Variants in AGPAT5 observed in about 807,000 individuals in gnomAD.
AGPAT5 encodes the protein 1-acylglycerol-3-phosphate O-acyltransferase 5, also known as 1-acyl-sn-glycerol-3-phosphate acyltransferase epsilon.
AGPAT5 carries 46 observed loss-of-function variants against 45.6 expected under a neutral mutation model. The observed-to-expected ratio is 1.01, with a 90% CI of 0.80 to 1.29. The LOEUF (loss-of-function observed/expected upper bound fraction) is 1.29, where lower values mean the gene tolerates loss of function less well. AGPAT5 is among the 50% of genes most tolerant of loss of function. AGPAT5 has a pLI of 0.00. For synonymous variants in AGPAT5, 272 were observed against 167.0 expected, an observed-to-expected ratio of 1.63 and a Z score of -4.85; for missense variants, 673 against 450.7, an observed-to-expected ratio of 1.49 and a Z score of -4.47.
At chr8:6,751,862 C>T (rs1801667001) in intron 6 of AGPAT5, among the ~76,000 whole-genome samples, 1 of 152,074 alleles carries the variant, frequency 6.6e-6, no homozygotes, top group African/African-American at 2.4e-5. Context: ...ATTTACTTTC[C>T]ATTTCTATTA....
intron 1 of AGPAT5, among the ~76,000 whole-genome samples, chr8:6,712,561 G>A (rs779243832): frequency 5.9e-5 from 9 of 152,124 alleles, no homozygotes; most frequent in Non-Finnish European, 1.2e-4. Flanking sequence ...GTAAGAGGCC[G>A]TATATATATC....
intron 1 of AGPAT5, among the ~76,000 whole-genome samples, chr8:6,720,150 C>T (rs550748524): frequency 2.2e-4 from 34 of 152,162 alleles, no homozygotes; most frequent in African/African-American, 8.2e-4. Context: ...TGGAGAAAGC[C>T]CCACTAGATA....
chr8:6,730,791 A>G lies in AGPAT5; in HGVS notation c.370A>G (p.Lys124Glu). 1 of 1,613,628 alleles carries G rather than the reference A, an allele frequency of 6.2e-7. No homozygotes were observed. Among genetic ancestry groups the G allele is most frequent in the Non-Finnish European group, 8.5e-7 (1 of 1,179,602 alleles). ...HVRYVLKEGL[K>E]WLPLYGCYFA... ...GCGCTACGTGCTGAAAGAAGGGTTA[A>G]AATGGCTGCCATTGTATGGGTGTTA... The change falls in exon 3 of 8, where the codon AAA becomes GAA. Residue 124 changes from lysine to glutamate, a missense_variant. Transcript: ENST00000285518.
chr8:6,759,881 T>A lies in AGPAT5; in HGVS notation c.*2493T>A, dbSNP rs774653299. Reference sequence around the variant, plus strand: ...TGCAATTTATAAGATGCATGGCCGATGTTAATTTGCTTGGCAATTCTGTAA... The same window carrying A: ...TGCAATTTATAAGATGCATGGCCGAAGTTAATTTGCTTGGCAATTCTGTAA... On this transcript the variant is annotated 3_prime_UTR_variant, in exon 8 of 8. Transcript: ENST00000285518. Among the ~76,000 whole-genome samples the A allele has an allele frequency of 6.6e-6, 1 of 152,238 alleles. No individual in the cohort carries two copies. The highest frequency in any genetic ancestry group is 1.5e-5 in the Non-Finnish European group (1 of 68,042).
rs1801946859 is a variant in AGPAT5, at chr8:6,759,139, G to A, written c.*1751G>A. 6.6e-6 allele frequency: 1 copy of A among 152,168 alleles called. No individual in the cohort carries two copies. Among genetic ancestry groups the A allele is most frequent in the Admixed American group, 6.5e-5 (1 of 15,274 alleles). The allele number at this position is 152,168 out of a possible 1,614,324, so 9.4% of individuals were successfully genotyped here. A position where few individuals can be genotyped will look rare whatever the true frequency, so the allele number is the denominator to read the frequency against. On this transcript the variant is annotated 3_prime_UTR_variant, in exon 8 of 8. Transcript: ENST00000285518. The stretch of plus-strand genomic sequence containing the variant: ...TATGAAAATTTCCTCATGCTGAATT[G>A]TAATTTTCTCTTACCTGTAAAGTAA...
At chr8:6,727,837 C>T (rs761596788) in intron 2 of AGPAT5, among the ~76,000 whole-genome samples, 11 of 152,302 alleles carry the variant, frequency 7.2e-5, no homozygotes, top group Non-Finnish European at 1.6e-4. Context: ...TGCAGAAATG[C>T]TGTTCTGCAA....
intron 1 of AGPAT5, among the ~76,000 whole-genome samples, chr8:6,716,860 C>CA (rs1255916023): frequency 1.1e-4 from 17 of 152,038 alleles, no homozygotes; most frequent in African/African-American, 4.1e-4. Context: ...CAAAACAAAA[C>CA]AGAGAGAAAA....
At chr8:6,734,269 A>AT (rs944464074) in intron 4 of AGPAT5, among the ~76,000 whole-genome samples, 35 of 143,728 alleles carry the variant, frequency 2.4e-4, no homozygotes, top group African/African-American at 3.3e-4. Flanking sequence ...TTTTTTTTTA[A>AT]TTTTTTTTTT....
chr8:6,714,805 CTG>C (rs1800267403), intron 1 of AGPAT5, among the ~76,000 whole-genome samples: 1 of 152,228 alleles, frequency 6.6e-6, no homozygotes, highest in South Asian at 2.1e-4. Flanking sequence ...GGGGATACCT[CTG>C]TGCCATTACG....
At chr8:6,736,648 G>T (rs1207879270) in intron 4 of AGPAT5, among the ~76,000 whole-genome samples, 1 of 152,162 alleles carries the variant, frequency 6.6e-6, no homozygotes, top group South Asian at 2.1e-4. Context: ...GTCTTTCTCC[G>T]GAGAACATTT....
intron 1 of AGPAT5, among the ~76,000 whole-genome samples, chr8:6,711,106 A>G (rs1350001685): frequency 1.3e-5 from 2 of 152,172 alleles, no homozygotes; most frequent in East Asian, 3.8e-4. Context: ...TTTTTAAATG[A>G]CATTTTTACA....
chr8:6,716,078 C>A (rs557961071), intron 1 of AGPAT5, among the ~76,000 whole-genome samples: 1 of 152,260 alleles, frequency 6.6e-6, no homozygotes, highest in East Asian at 1.9e-4. Flanking sequence ...CCTTGCTTTT[C>A]TCCATCTGTC....
At chr8:6,719,023 A>C (rs1036192124) in intron 1 of AGPAT5, among the ~76,000 whole-genome samples, 3 of 152,338 alleles carry the variant, frequency 2.0e-5, no homozygotes. Flanking sequence ...ATGAATGAGT[A>C]CCTTTCCATG....
At chr8:6,745,505 C>A (rs565842549) in intron 5 of AGPAT5, among the ~76,000 whole-genome samples, 38 of 152,214 alleles carry the variant, frequency 2.5e-4, no homozygotes, top group Non-Finnish European at 4.4e-4. Context: ...TGTTAACTTT[C>A]ACATAACTTT....
At chr8:6,750,182 G>A (rs972045672) in intron 6 of AGPAT5, among the ~76,000 whole-genome samples, 1 of 152,244 alleles carries the variant, frequency 6.6e-6, no homozygotes, top group African/African-American at 2.4e-5. Flanking sequence ...CAGTACTGCT[G>A]TGGCACTGAT....
intron 7 of AGPAT5, among the ~76,000 whole-genome samples, chr8:6,756,165 C>A (rs543358148): frequency 3.4e-4 from 51 of 152,206 alleles, no homozygotes; most frequent in African/African-American, 9.1e-4. Context: ...CTTTACAAAT[C>A]TTATGTAATA....
At chr8:6,715,347 G>A (rs922091023) in intron 1 of AGPAT5, among the ~76,000 whole-genome samples, 1 of 152,192 alleles carries the variant, frequency 6.6e-6, no homozygotes, top group Non-Finnish European at 1.5e-5. Flanking sequence ...GGTTAGGGGA[G>A]TGGAAAGAGT....
At chr8:6,747,628 T>G in intron 5 of AGPAT5, 42 bp from the exon 6 acceptor site, 1 of 1,563,464 alleles carries the variant, frequency 6.4e-7, no homozygotes, top group Non-Finnish European at 8.7e-7. Flanking sequence ...ATTGTGGAGG[T>G]GTTTTGTAAC....
chr8:6,746,376 C>A (rs1400049008), intron 5 of AGPAT5: 1 of 152,186 alleles, frequency 6.6e-6, no homozygotes, highest in Non-Finnish European at 1.5e-5. Flanking sequence ...CATGATAATT[C>A]ATTTCCTTTT....
Sources: gnomAD v4.1 joint callset for allele counts (sites outside exome capture counted in the v4.1 genomes callset) on GRCh38, gnomAD v4.1.1 for gene constraint, MANE v1.5 for transcripts, NCBI Gene and HGNC (gene_info 2026-07-23, HGNC 2026-07-21) for gene names.